The following SNAP25 variants were observed in gnomAD, a reference collection of about 807,000 sequenced individuals.
SNAP25 encodes synaptosome associated protein 25.
Under a neutral mutation model 28.7 loss-of-function variants are expected in SNAP25, and 3 were observed. That is an observed-to-expected ratio of 0.10 (90% confidence interval 0.05 to 0.27). The LOEUF is 0.27. Among genes scored for constraint, SNAP25 ranks in the 10% least tolerant of loss-of-function variants. SNAP25 has a pLI of 1.00. For missense variants in SNAP25, 117 were observed against 278.7 expected (o/e 0.42, Z 4.13); for synonymous variants, 61 against 88.1 (o/e 0.69, Z 1.72).
intron 3 of SNAP25, 143 bp downstream of exon 3, chr20:10,277,869 G>T: frequency 1.4e-6 from 1 of 737,166 alleles, no homozygotes; most frequent in Non-Finnish European, 2.2e-6. Context: ...CAGAATGAGG[G>T]AGATGCTGTA....
chr20:10,234,736 A>C (rs772557103), intron 1 of SNAP25, among the ~76,000 whole-genome samples: 2 of 152,236 alleles, frequency 1.3e-5, no homozygotes, highest in Non-Finnish European at 2.9e-5. Flanking sequence ...TTAGACATAT[A>C]AATTGCACTA....
At chr20:10,301,023 C>A (rs1159171413) in intron 7 of SNAP25, among the ~76,000 whole-genome samples, 1 of 152,062 alleles carries the variant, frequency 6.6e-6, no homozygotes, top group Admixed American at 6.5e-5. Flanking sequence ...TTAATGGACC[C>A]ACTTTACTTG....
At chr20:10,304,655 C>T (rs955716053) in intron 7 of SNAP25, among the ~76,000 whole-genome samples, 1 of 152,178 alleles carries the variant, frequency 6.6e-6, no homozygotes, top group Non-Finnish European at 1.5e-5. Flanking sequence ...AGCAATTCAA[C>T]TTTTTCTTGA....
At position 10,254,309 on chromosome 20, in the gene SNAP25, A is replaced by G. The variant is rs993063166; in HGVS notation, c.-63-21120A>G. Among the ~76,000 whole-genome samples, 26 of 152,222 alleles carry G rather than the reference A, an allele frequency of 1.7e-4. 1 individual carries two copies. Among genetic ancestry groups the G allele is most frequent in the Admixed American group, 2.0e-4 (3 of 15,282 alleles). Reference sequence around the variant, plus strand: ...CAGCTCTCTCTCCTGGAGGTGAGGCATGCTCTGAGGTGCATTTAAGACTCC... The same window carrying G: ...CAGCTCTCTCTCCTGGAGGTGAGGCGTGCTCTGAGGTGCATTTAAGACTCC... On this transcript the variant is annotated intron_variant, in intron 1 of 7. Coordinates refer to ENST00000254976, the MANE Select transcript of SNAP25 (RefSeq NM_130811.4).
Position 10,272,688 on chromosome 20 carries a change from C to T in SNAP25, c.-63-2741C>T, listed in dbSNP as rs572232004. 3.3e-5 allele frequency among the ~76,000 whole-genome samples: 5 copies of T among 152,308 alleles called. No homozygotes were observed. In the East Asian group the frequency reaches 9.6e-4, roughly 29 times the overall value. On this transcript the variant is annotated intron_variant, in intron 1 of 7. Transcript: ENST00000254976. ...CACATGTTCTAGTGGCCAGAACACG[C>T]ATTCGAAAATTAGCAGGCTCATCGT...
intron 6 of SNAP25, among the ~76,000 whole-genome samples, chr20:10,297,486 T>A (rs957056885): frequency 6.6e-6 from 1 of 152,178 alleles, no homozygotes; most frequent in African/African-American, 2.4e-5. Flanking sequence ...TTTAATTGAA[T>A]AGAGCTTATA....
At chr20:10,231,590 A>G (rs1374533175) in intron 1 of SNAP25, 1 of 152,064 alleles carries the variant, frequency 6.6e-6, no homozygotes, top group Non-Finnish European at 1.5e-5. Flanking sequence ...TTACACTCAG[A>G]GGTCTTGGCC....
At chr20:10,225,072 G>A (rs1175683936) in intron 1 of SNAP25, among the ~76,000 whole-genome samples, 1 of 152,010 alleles carries the variant, frequency 6.6e-6, no homozygotes, top group Non-Finnish European at 1.5e-5. Context: ...CACATTGGGA[G>A]GATGTGGGGT....
chr20:10,253,075 T>C (rs1869832499), intron 1 of SNAP25, among the ~76,000 whole-genome samples: 1 of 152,220 alleles, frequency 6.6e-6, no homozygotes, highest in African/African-American at 2.4e-5. Context: ...AGGAGCAATG[T>C]AGCTCAGGAG....
intron 1 of SNAP25, among the ~76,000 whole-genome samples, chr20:10,265,768 C>T (rs960762582): frequency 6.6e-6 from 1 of 152,124 alleles, no homozygotes; most frequent in South Asian, 2.1e-4. Context: ...CACAGAGTCA[C>T]CCCCAAGGTG....
At chr20:10,223,069 T>C (rs2062663414) in intron 1 of SNAP25, among the ~76,000 whole-genome samples, 1 of 152,200 alleles carries the variant, frequency 6.6e-6, no homozygotes, top group Non-Finnish European at 1.5e-5. Context: ...AAGTTGTCAT[T>C]TCTTCTGAGC....
intron 3 of SNAP25, 146 bp from the exon 4 acceptor site, chr20:10,284,578 A>G (rs1308245133): frequency 1.5e-6 from 1 of 681,436 alleles, no homozygotes; most frequent in Non-Finnish European, 2.6e-6. Flanking sequence ...ATAACCCCTC[A>G]GGGCTCTTGT....
At chr20:10,258,800 T>C (rs1437166329) in intron 1 of SNAP25, among the ~76,000 whole-genome samples, 1 of 152,180 alleles carries the variant, frequency 6.6e-6, no homozygotes, top group African/African-American at 2.4e-5. Flanking sequence ...AGACACTTTA[T>C]CATCATGTGG....
chr20:10,267,741 G>A (rs566944006), intron 1 of SNAP25, among the ~76,000 whole-genome samples: 3 of 152,186 alleles, frequency 2.0e-5, no homozygotes, highest in East Asian at 1.9e-4. Context: ...TAGTAGAAGC[G>A]GGGTTTCACC....
intron 1 of SNAP25, among the ~76,000 whole-genome samples, chr20:10,264,322 A>C (rs1353303635): frequency 6.6e-6 from 1 of 152,138 alleles, no homozygotes; most frequent in African/African-American, 2.4e-5. Context: ...AGACATACAG[A>C]TATAGAATCC....
chr20:10,270,205 G>A (rs1180679347), intron 1 of SNAP25, among the ~76,000 whole-genome samples: 1 of 152,120 alleles, frequency 6.6e-6, no homozygotes, highest in Admixed American at 6.5e-5. Context: ...GGTGAGCCGA[G>A]ATCATGCCAT....
At chr20:10,239,265 A>T (rs183275264) in intron 1 of SNAP25, among the ~76,000 whole-genome samples, 44 of 152,320 alleles carry the variant, frequency 2.9e-4, no homozygotes, top group African/African-American at 1.0e-3. Context: ...GTGCCGTGCC[A>T]CCTCTGTGGC....
intron 1 of SNAP25, among the ~76,000 whole-genome samples, chr20:10,271,396 G>T (rs1180379990): frequency 6.6e-6 from 1 of 152,216 alleles, no homozygotes; most frequent in Non-Finnish European, 1.5e-5. Context: ...TATTAGGAGA[G>T]GGGGAATTGC....
intron 1 of SNAP25, among the ~76,000 whole-genome samples, chr20:10,241,941 A>G (rs2063041612): frequency 6.6e-6 from 1 of 152,148 alleles, no homozygotes. Flanking sequence ...ATTGGAGTGT[A>G]GCAAGGAGGT....
Sources: allele counts gnomAD v4.1 joint callset (sites outside exome capture counted in the v4.1 genomes callset), GRCh38; gene constraint gnomAD v4.1.1; transcripts MANE v1.5; gene names NCBI Gene and HGNC (gene_info 2026-07-23, HGNC 2026-07-21).